ZMYM1: variants seen among roughly 807,000 people sequenced by gnomAD.
ZMYM1 encodes zinc finger MYM-type protein 1.
A neutral mutation model predicts 60.0 loss-of-function variants in ZMYM1; 39 were observed. The observed-to-expected ratio is 0.65, with a 90% confidence interval of 0.50 to 0.85. ZMYM1 has a LOEUF of 0.85. ZMYM1 is among the 40% of genes least tolerant of loss of function. ZMYM1 has a pLI of 0.00. For synonymous variants in ZMYM1, 413 were observed against 454.0 expected, an observed-to-expected ratio of 0.91 and a Z score of 1.15; for missense variants, 1,171 against 1,309.5, an observed-to-expected ratio of 0.89 and a Z score of 1.63.
Position 35,113,454 on chromosome 1 carries a change from A to G in ZMYM1, c.1624A>G (p.Ile542Val), listed in dbSNP as rs1644165441. The G allele has an allele frequency of 6.2e-7, 1 of 1,613,538 alleles. No individual in the cohort carries two copies. Among genetic ancestry groups the G allele is most frequent in the Non-Finnish European group, 8.5e-7 (1 of 1,179,872 alleles). ...TGGAGCTGTCAGTGACGATTTATCT[A>G]TTCATTCGAAACAGATTGAGGGAAA... ...CDGAVSDDLSIHSKQIEGNKK... is the reference protein window; with the variant it reads ...CDGAVSDDLSVHSKQIEGNKK... Residue 542 changes from isoleucine (I) to valine (V), a missense_variant, in exon 10 of 10, where the codon ATT becomes GTT. Ile to Val is a conservative substitution (Grantham distance 29, BLOSUM62 3). Coordinates refer to ENST00000359858, the MANE Select transcript of ZMYM1 (RefSeq NM_024772.5).
intron 4 of ZMYM1, among the ~76,000 whole-genome samples, chr1:35,100,301 G>T (rs1404981327): frequency 6.6e-6 from 1 of 151,924 alleles, no homozygotes; most frequent in Admixed American, 6.6e-5. Flanking sequence ...TCCCTTTGAA[G>T]ATGACATTTT....
rs778400798 is a variant in ZMYM1 at position 35,113,016 on chromosome 1, G to A, written c.1186G>A (p.Ala396Thr). The A allele has an allele frequency of 6.2e-7, 1 of 1,605,694 alleles. No individual in the cohort carries two copies. Among genetic ancestry groups the A allele is most frequent in the South Asian group, 1.1e-5 (1 of 88,798 alleles). The change falls in exon 10 of 10, where the codon GCT becomes ACT. Residue 396 changes from alanine to threonine, a missense_variant. Coordinates refer to ENST00000359858, the MANE Select transcript of ZMYM1 (RefSeq NM_024772.5). ...SSPSEPSNAV[A>T]SSSTEQPSVS... ...ACCTAGTGAACCCAGTAATGCTGTT[G>A]CTAGTAGTAGTACGGAACAGCCAAG...
rs369089087 is a variant in ZMYM1 at position 35,083,315 on chromosome 1, TA to T, written c.-75+3875del. Reference sequence around the variant, plus strand: ...CCAGATGCATACCATCATACCCAGCTAATCTTTTAATTGTTTTTAGAGATGG... The same window carrying T: ...CCAGATGCATACCATCATACCCAGCTATCTTTTAATTGTTTTTAGAGATGG... On this transcript the variant is annotated intron_variant, in intron 1 of 9. Transcript: ENST00000359858. Among the ~76,000 whole-genome samples the T allele has an allele frequency of 5.4e-4, 82 of 152,214 alleles. No homozygotes were observed. In the Middle Eastern group the frequency reaches 0.01, roughly 19 times the overall value.
rs1327867670 is a variant in ZMYM1, at chr1:35,104,604, T to C, written c.642T>C (p.Ser214=). The C allele has an allele frequency of 6.2e-7, 1 of 1,614,078 alleles. No homozygotes were observed. The highest frequency in any genetic ancestry group is 2.2e-5 in the East Asian group (1 of 44,886). ...AAAATGTGAAACATAATCTTTGCAG[T>C]AATGCCTGCCTTTCAAAGTTTCACT... ...KYQNVKHNLC[S]NACLSKFHSA... Residue 214 remains serine, a synonymous_variant, in exon 6 of 10, where the codon AGT becomes AGC. Transcript: ENST00000359858.
chr1:35,079,606 G>C (rs1465689879), intron 1 of ZMYM1, among the ~76,000 whole-genome samples, 164 bp downstream of exon 1: 2 of 152,148 alleles, frequency 1.3e-5, no homozygotes, highest in Non-Finnish European at 2.9e-5. Context: ...GGGAACTCCG[G>C]GCCAGGCCCT....
At chr1:35,118,189 C>T (rs1638526923), downstream of ZMYM1, among the ~76,000 whole-genome samples, 1 of 140,844 alleles carries the variant, frequency 7.1e-6, no homozygotes, top group African/African-American at 2.8e-5. Context: ...TGCAGTGAGC[C>T]AAGATCGTGC....
chr1:35,068,655 T>C (rs983354097), intron 1 of ZMYM1, among the ~76,000 whole-genome samples: 4 of 148,248 alleles, frequency 2.7e-5, no homozygotes, highest in Non-Finnish European at 5.9e-5. Context: ...AAAAAATATA[T>C]ATATATATAT....
At chr1:35,079,519 G>A (rs1054380867) in intron 1 of ZMYM1, 77 bp downstream of exon 1, 1 of 152,258 alleles carries the variant, frequency 6.6e-6, no homozygotes, top group East Asian at 1.9e-4. Context: ...TTCTGCTGTC[G>A]GTCGGAGGGA....
intron 2 of ZMYM1, among the ~76,000 whole-genome samples, chr1:35,095,513 A>C (rs554273709): frequency 2.0e-5 from 3 of 151,952 alleles, no homozygotes; most frequent in Admixed American, 6.6e-5. Context: ...AAAAAAAAAA[A>C]AAACAAGTAG....
At chr1:35,072,513 T>C (rs1214951226) in intron 1 of ZMYM1, among the ~76,000 whole-genome samples, 2 of 28,278 alleles carry the variant, frequency 7.1e-5, no homozygotes, top group Non-Finnish European at 1.3e-4. Context: ...TTCATTTTAT[T>C]GATCTTTTGA....
At chr1:35,104,798 A>G (rs778784789) in intron 6 of ZMYM1, 29 bp downstream of exon 6, 9 of 1,575,314 alleles carry the variant, frequency 5.7e-6, no homozygotes, top group East Asian at 2.3e-5. Flanking sequence ...TGTTTCTTCT[A>G]TTAACTGGCC....
intron 1 of ZMYM1, among the ~76,000 whole-genome samples, chr1:35,065,519 A>T (rs982775549): frequency 6.6e-6 from 1 of 152,032 alleles, no homozygotes; most frequent in African/African-American, 2.4e-5. Context: ...GGGATTCAAA[A>T]GTTACACATG....
At chr1:35,075,632 T>C (rs1290241527), upstream of ZMYM1, among the ~76,000 whole-genome samples, 3 of 152,166 alleles carry the variant, frequency 2.0e-5, no homozygotes, top group Non-Finnish European at 4.4e-5. Context: ...AAGCAGAAAT[T>C]AATTGCCCTA....
chr1:35,059,916 C>A (rs987026999), exon 1 of ZMYM1: 2 of 151,972 alleles, frequency 1.3e-5, no homozygotes, highest in Non-Finnish European at 2.9e-5. Flanking sequence ...CCCAGTCCAG[C>A]CACAAAAAGG....
upstream of ZMYM1, among the ~76,000 whole-genome samples, chr1:35,074,785 C>T (rs1642137996): frequency 6.6e-6 from 1 of 151,930 alleles, no homozygotes; most frequent in Non-Finnish European, 1.5e-5. Context: ...TTATTGTATG[C>T]AGTCTATCTC....
At chr1:35,085,269 G>A (rs1052879540) in intron 1 of ZMYM1, among the ~76,000 whole-genome samples, 3 of 152,032 alleles carry the variant, frequency 2.0e-5, no homozygotes, top group Non-Finnish European at 4.4e-5. Context: ...GGATGATCTC[G>A]ATCTCCTGAC....
Position 35,065,191 on chromosome 1 carries a change from G to A in ZMYM1, c.-301+5266G>A, listed in dbSNP as rs116491048. ...TCTCCCCGCTGCCACCCCTGAGATA[G>A]CTAGACCATTGTCTTCCCTTCCTCC... On this transcript the variant is annotated intron_variant, in intron 1 of 10. Coordinates refer to the ZMYM1 transcript ENST00000417119. Among the ~76,000 whole-genome samples the A allele has an allele frequency of 9.0e-3, 1,369 of 151,944 alleles. 5 individuals carry two copies. The highest frequency in any genetic ancestry group is 0.014 in the Non-Finnish European group (975 of 67,988).
rs539724669 is a variant in ZMYM1 at position 35,106,539 on chromosome 1, G to T, written c.807+1770G>T. Among the ~76,000 whole-genome samples the T allele has an allele frequency of 4.9e-4, 74 of 150,970 alleles. No homozygotes were observed. The South Asian group carries it at 0.014, about 30-fold the overall frequency. ...CAGGAAAATCTCTTGAACCCGGGAGGTGGAGGTTGCAGTGAGCCGAGATGG... is the reference window on the plus strand; with the variant it reads ...CAGGAAAATCTCTTGAACCCGGGAGTTGGAGGTTGCAGTGAGCCGAGATGG... On this transcript the variant is annotated intron_variant, in intron 6 of 9. Transcript: ENST00000359858.
chr1:35,109,449 T>A (rs1326078087), intron 6 of ZMYM1, among the ~76,000 whole-genome samples: 1 of 152,216 alleles, frequency 6.6e-6, no homozygotes, highest in Non-Finnish European at 1.5e-5. Flanking sequence ...TTTTGCATGG[T>A]TACTACTTAC....
Sources: allele counts gnomAD v4.1 joint callset (sites outside exome capture counted in the v4.1 genomes callset), GRCh38; gene constraint gnomAD v4.1.1; transcripts MANE v1.5; gene names NCBI Gene and HGNC (gene_info 2026-07-23, HGNC 2026-07-21).